MYL4: variants seen among roughly 807,000 people sequenced by gnomAD.
MYL4 encodes the protein myosin light chain 4.
MYL4 carries 16 observed loss-of-function variants against 21.6 expected under a neutral mutation model. The ratio of observed to expected loss-of-function variants is 0.74; its 90% CI spans 0.50 to 1.12. MYL4 has a LOEUF of 1.12. Among genes scored for constraint, MYL4 ranks in the 50% most tolerant of loss-of-function variants. The pLI, the probability that MYL4 is intolerant of heterozygous loss-of-function variation, is 0.00. For missense variants in MYL4, 249 were observed against 252.9 expected (o/e 0.98, Z 0.11); for synonymous variants, 82 against 95.7 (o/e 0.86, Z 0.83).
upstream of MYL4, among the ~76,000 whole-genome samples, chr17:47,207,213 T>A (rs553126399): frequency 1.3e-5 from 2 of 152,150 alleles, no homozygotes; most frequent in African/African-American, 4.8e-5. Flanking sequence ...CTGGCCCTTT[T>A]TCCTGCCCGT....
At chr17:47,199,114 G>A (rs1490285465), upstream of MYL4, among the ~76,000 whole-genome samples, 10 of 151,446 alleles carry the variant, frequency 6.6e-5, no homozygotes, top group Admixed American at 3.3e-4. Flanking sequence ...GGTGGCGGGC[G>A]CCTGTAGTCC....
chr17:47,199,954 A>G (rs531300174), upstream of MYL4, among the ~76,000 whole-genome samples: 4 of 150,940 alleles, frequency 2.7e-5, no homozygotes, highest in African/African-American at 9.7e-5. Context: ...TTACCCAGGC[A>G]GGTCTCGAAT....
chr17:47,224,726 G>T (rs1363185109), downstream of MYL4, among the ~76,000 whole-genome samples: 1 of 152,088 alleles, frequency 6.6e-6, no homozygotes, highest in Non-Finnish European at 1.5e-5. Context: ...GTTTGGTTTG[G>T]TCCTCGCTTT....
At position 47,221,556 on chromosome 17, in the gene MYL4, C is replaced by T. The variant is rs112342915; in HGVS notation, c.314-126C>T. 1.6e-3 allele frequency: 1,765 copies of T among 1,080,356 alleles called. 14 individuals carry two copies. In the African/African-American group the frequency reaches 0.022, roughly 13 times the overall value. 66.9% of individuals were successfully genotyped at this position (1,080,356 alleles called of 1,614,324 possible). A position where few individuals can be genotyped will look rare whatever the true frequency, so the allele number is the denominator to read the frequency against. On this transcript the variant is annotated intron_variant, in intron 3 of 6. Coordinates refer to ENST00000393450, the MANE Select transcript of MYL4 (RefSeq NM_002476.2). ...TCTAGGAGCACTAATGGGTGTACCACCCAGAATTGGCTGCAGCCCAAGCCC... is the reference window on the plus strand; with the variant it reads ...TCTAGGAGCACTAATGGGTGTACCATCCAGAATTGGCTGCAGCCCAAGCCC...
At chr17:47,222,271 C>G (rs2064862000) in intron 4 of MYL4, 109 bp from the exon 5 acceptor site, 1 of 1,090,914 alleles carries the variant, frequency 9.2e-7, no homozygotes, top group Non-Finnish European at 1.4e-6. Context: ...AACCACCTCC[C>G]AGATCCAGGC....
chr17:47,223,883 C>T (rs1339202963), downstream of MYL4, among the ~76,000 whole-genome samples: 1 of 152,072 alleles, frequency 6.6e-6, no homozygotes, highest in Non-Finnish European at 1.5e-5. Flanking sequence ...GGAGAGCAAG[C>T]TCTGGAAGGC....
At chr17:47,223,103 G>A in intron 6 of MYL4, 46 bp downstream of exon 6, 1 of 1,597,950 alleles carries the variant, frequency 6.3e-7, no homozygotes, top group Non-Finnish European at 8.6e-7. Flanking sequence ...GTCACATAGG[G>A]CCTTAAGAAT....
chr17:47,193,624 A>G, the MYL4 span, among the ~76,000 whole-genome samples: 1 of 152,108 alleles, frequency 6.6e-6, no homozygotes, highest in Non-Finnish European at 1.5e-5. Flanking sequence ...CCCCTTTAAT[A>G]TTAAGCATGC....
upstream of MYL4, chr17:47,209,251 C>T: frequency 1.2e-6 from 1 of 821,074 alleles, no homozygotes; most frequent in East Asian, 2.5e-5. Flanking sequence ...GGCGTTTCTT[C>T]CTTTTATAGT....
Position 47,219,878 on chromosome 17 carries a change from G to A in MYL4, c.164-26G>A, listed in dbSNP as rs771259953. ...CCACCACCTTCACTGGGGATTGGAA[G>A]GTATAGCTGGGTCTTCTCTCCACAG... On this transcript the variant is annotated intron_variant, in intron 2 of 6. Coordinates refer to ENST00000393450, the MANE Select transcript of MYL4 (RefSeq NM_002476.2). The A allele has an allele frequency of 2.5e-6, 4 of 1,614,160 alleles. No individual in the cohort carries two copies. The Admixed American group carries it at 5.0e-5, about 20-fold the overall frequency.
the MYL4 span, among the ~76,000 whole-genome samples, chr17:47,191,485 T>C: frequency 2.0e-5 from 3 of 152,186 alleles, no homozygotes; most frequent in Non-Finnish European, 2.9e-5. Context: ...ATTTTTTTTT[T>C]CCGAGACTGA....
upstream of MYL4, among the ~76,000 whole-genome samples, chr17:47,198,696 G>A (rs1008275133): frequency 3.9e-5 from 6 of 152,210 alleles, no homozygotes; most frequent in African/African-American, 9.6e-5. Flanking sequence ...AATTGAAAAC[G>A]TGAAGCTTGG....
chr17:47,217,814 A>T (rs953354843), intron 2 of MYL4, among the ~76,000 whole-genome samples: 2 of 152,086 alleles, frequency 1.3e-5, no homozygotes, highest in African/African-American at 4.8e-5. Flanking sequence ...TGGGCTGATC[A>T]CCTGAGGTTG....
At chr17:47,198,060 G>T (rs8080095), upstream of MYL4, among the ~76,000 whole-genome samples, 1,121 of 152,252 alleles carry the variant, frequency 7.4e-3, 15 homozygotes, top group African/African-American at 0.025. Flanking sequence ...ATTTGAAAAA[G>T]ATTATGCTAA....
At chr17:47,222,032 G>C (rs781534681) in intron 4 of MYL4, among the ~76,000 whole-genome samples, 177 bp downstream of exon 4, 2 of 152,114 alleles carry the variant, frequency 1.3e-5, no homozygotes, top group Non-Finnish European at 2.9e-5. Context: ...ATTCCCAGTT[G>C]GGTTTGCTCA....
chr17:47,193,124 C>T, the MYL4 span, among the ~76,000 whole-genome samples: 7 of 152,152 alleles, frequency 4.6e-5, no homozygotes, highest in South Asian at 2.1e-4. Context: ...GTCCCTGTTG[C>T]GTGCGGTTTT....
rs146803834 is a variant in MYL4, at chr17:47,220,848, G to T, written c.313+795G>T. Among the ~76,000 whole-genome samples, 291 of 152,278 alleles carry T rather than the reference G, an allele frequency of 1.9e-3. 1 individual carries two copies. Among genetic ancestry groups the T allele is most frequent in the African/African-American group, 5.2e-3 (218 of 41,542 alleles). On this transcript the variant is annotated intron_variant, in intron 3 of 6. Transcript: ENST00000393450. ...CAGTGGTGTTGGCACGGGGTTTGGG[G>T]TGGGGTGAGCCTCTCAGCAAGGGTG...
intron 2 of MYL4, 89 bp from the exon 3 acceptor site, chr17:47,219,815 C>G (rs2149047261): frequency 1.3e-6 from 2 of 1,489,302 alleles, no homozygotes; most frequent in East Asian, 4.5e-5. Context: ...CCACACTCAC[C>G]TGCTATTCAG....
intron 2 of MYL4, among the ~76,000 whole-genome samples, chr17:47,218,080 C>G (rs566955069): frequency 6.7e-6 from 1 of 149,436 alleles, no homozygotes; most frequent in Admixed American, 6.7e-5. Flanking sequence ...TAAAAAGAAA[C>G]CTATGATGTA....
Sources: gnomAD v4.1 joint callset for allele counts (sites outside exome capture counted in the v4.1 genomes callset) on GRCh38, gnomAD v4.1.1 for gene constraint, MANE v1.5 for transcripts, NCBI Gene and HGNC (gene_info 2026-07-23, HGNC 2026-07-21) for gene names.